The following PRKCB variants were observed in gnomAD, a reference collection of about 807,000 sequenced individuals.
The protein encoded by PRKCB is protein kinase C beta type.
A neutral mutation model predicts 81.5 loss-of-function variants in PRKCB; 13 were observed. That is an observed-to-expected ratio of 0.16 (90% CI 0.10 to 0.25). The LOEUF (loss-of-function observed/expected upper bound fraction) is 0.25, where lower values mean the gene tolerates loss of function less well. Among genes scored for constraint, PRKCB ranks in the 10% least tolerant of loss-of-function variants. The probability of loss-of-function intolerance (pLI) is 1.00; values close to 1 mark genes in which losing one functional copy is unlikely to be tolerated. For missense variants in PRKCB, 509 were observed against 875.7 expected (o/e 0.58, Z 5.29); for synonymous variants, 335 against 321.4 (o/e 1.04, Z -0.45).
chr16:24,199,962 G>C (rs1967933651), intron 16 of PRKCB, among the ~76,000 whole-genome samples: 2 of 152,190 alleles, frequency 1.3e-5, no homozygotes, highest in Non-Finnish European at 2.9e-5. Flanking sequence ...AATGGTGTCT[G>C]TTACATAATA....
At chr16:23,902,702 G>A (rs1449716169) in intron 2 of PRKCB, among the ~76,000 whole-genome samples, 1 of 124,798 alleles carries the variant, frequency 8.0e-6, no homozygotes, top group Non-Finnish European at 1.7e-5. Context: ...CAGGAACTGA[G>A]CTCAAAAGTT....
rs563957061 is a variant in PRKCB, at chr16:24,005,389, C to G, written c.288+16799C>G. Among the ~76,000 whole-genome samples the G allele has an allele frequency of 2.0e-5, 3 of 152,296 alleles. No homozygotes were observed. In the East Asian group the frequency reaches 5.8e-4, roughly 29 times the overall value. ...TGCCAGACTTGTTACCTGCAGAGCT[C>G]TGAAGGTCACTTTGGGATGTTCTGT... On this transcript the variant is annotated intron_variant, in intron 3 of 16. Transcript: ENST00000643927.
At chr16:24,184,539 AATATGT>A (rs1222820320) in intron 13 of PRKCB, among the ~76,000 whole-genome samples, 1 of 152,336 alleles carries the variant, frequency 6.6e-6, no homozygotes, top group East Asian at 1.9e-4. Flanking sequence ...CACAGAGTTT[AATATGT>A]ATTCAGAGAA....
At chr16:24,079,895 C>A (rs558072569) in intron 5 of PRKCB, among the ~76,000 whole-genome samples, 10 of 152,198 alleles carry the variant, frequency 6.6e-5, no homozygotes, top group Admixed American at 4.6e-4. Context: ...GAAAAGCATT[C>A]ATTTATTTCT....
chr16:24,207,807 G>A (rs1968070163), intron 16 of PRKCB, among the ~76,000 whole-genome samples: 2 of 152,234 alleles, frequency 1.3e-5, no homozygotes, highest in South Asian at 2.1e-4. Flanking sequence ...AGGATGCACA[G>A]GAGATAGCTG....
At chr16:24,176,700 C>G (rs1244219787) in intron 12 of PRKCB, among the ~76,000 whole-genome samples, 1 of 152,070 alleles carries the variant, frequency 6.6e-6, no homozygotes, top group African/African-American at 2.4e-5. Context: ...GGTGACCAGC[C>G]TGGCTAACAT....
intron 9 of PRKCB, among the ~76,000 whole-genome samples, chr16:24,133,202 A>G (rs73548480): frequency 0.038 from 5,735 of 152,170 alleles, 367 homozygotes; most frequent in African/African-American, 0.13. Flanking sequence ...CCCCATCTCT[A>G]TAAAAGCAAA....
intron 2 of PRKCB, among the ~76,000 whole-genome samples, chr16:23,847,033 A>G (rs1413374065): frequency 6.6e-6 from 1 of 152,018 alleles, no homozygotes; most frequent in Non-Finnish European, 1.5e-5. Context: ...CAGACCAGAG[A>G]GCTCTGATCC....
intron 2 of PRKCB, among the ~76,000 whole-genome samples, chr16:23,931,214 G>T (rs1257822672): frequency 1.3e-5 from 2 of 152,188 alleles, no homozygotes; most frequent in African/African-American, 2.4e-5. Flanking sequence ...CCAAAGGGGA[G>T]TTTTCTTTAT....
chr16:23,916,157 G>A (rs200341104), intron 2 of PRKCB, among the ~76,000 whole-genome samples: 2 of 151,276 alleles, frequency 1.3e-5, no homozygotes, highest in African/African-American at 2.4e-5. Context: ...GGGCTCAAGC[G>A]ATTCTCCCAC....
At chr16:24,033,402 G>A (rs56793052) in intron 4 of PRKCB, among the ~76,000 whole-genome samples, 12,643 of 152,148 alleles carry the variant, frequency 0.083, 614 homozygotes, top group African/African-American at 0.099. Flanking sequence ...AATGTGGGGC[G>A]TGGAAGCTAC....
intron 5 of PRKCB, among the ~76,000 whole-genome samples, chr16:24,043,202 C>T (rs1567354627): frequency 6.6e-6 from 1 of 152,194 alleles, no homozygotes; most frequent in Admixed American, 6.5e-5. Flanking sequence ...CACTCATACT[C>T]ATGAGCTCTG....
intron 5 of PRKCB, among the ~76,000 whole-genome samples, chr16:24,045,713 C>T (rs1026538438): frequency 6.6e-6 from 1 of 152,200 alleles, no homozygotes; most frequent in Admixed American, 6.5e-5. Context: ...GTTAGCAATT[C>T]GGGATCTCAG....
At chr16:24,058,056 A>G (rs1176892088) in intron 5 of PRKCB, among the ~76,000 whole-genome samples, 2 of 152,094 alleles carry the variant, frequency 1.3e-5, no homozygotes, top group African/African-American at 4.8e-5. Context: ...TTTTCCCATG[A>G]TAGCCACATC....
At chr16:23,941,080 C>A (rs149823337) in intron 2 of PRKCB, among the ~76,000 whole-genome samples, 236 of 152,212 alleles carry the variant, frequency 1.6e-3, no homozygotes, top group African/African-American at 5.5e-3. Context: ...TAGGGGTTGG[C>A]AAATGTTTTC....
chr16:23,949,003 A>G (rs1283478455), intron 2 of PRKCB, among the ~76,000 whole-genome samples: 2 of 152,202 alleles, frequency 1.3e-5, no homozygotes, highest in Non-Finnish European at 2.9e-5. Flanking sequence ...TTTACTGACA[A>G]CGCATAATTT....
chr16:23,881,840 C>G (rs1005965803), intron 2 of PRKCB, among the ~76,000 whole-genome samples: 1 of 151,796 alleles, frequency 6.6e-6, no homozygotes, highest in African/African-American at 2.4e-5. Flanking sequence ...TTCCTCCCCA[C>G]CGAGCCTCTG....
intron 4 of PRKCB, 78 bp downstream of exon 4, chr16:24,032,325 C>T (rs1370445841): frequency 2.0e-6 from 2 of 991,100 alleles, no homozygotes; most frequent in African/African-American, 1.6e-5. Context: ...GGTTTGGGGT[C>T]CAGGTCTGCC....
Position 24,123,883 on chromosome 16 carries a change from A to G in PRKCB, c.967A>G (p.Asn323Asp), listed in dbSNP as rs1464644193. Residue 323 changes from asparagine to aspartate, a missense_variant, in exon 9 of 17, where the codon AAC (asparagine) becomes GAC (aspartate). Around this residue, in one of 6 missense-constraint regions of PRKCB, gnomAD observed 80 missense variants for 89.4 expected, o/e 0.90. Transcript: ENST00000643927. ...GTKVPEEKTT[N>D]TVSKFDNNGN... ...CAAGGTCCCGGAAGAAAAGACGACC[A>G]ACACTGTCTCCAAATTTGACAACAA... 1.2e-6 allele frequency: 2 copies of G among 1,614,208 alleles called. No homozygotes were observed. Among genetic ancestry groups the G allele is most frequent in the Non-Finnish European group, 1.7e-6 (2 of 1,180,028 alleles).
Sources: gnomAD v4.1 joint callset for allele counts (sites outside exome capture counted in the v4.1 genomes callset) on GRCh38, gnomAD v4.1.1 for gene constraint, gnomAD v4.1.1 regional missense constraint, MANE v1.5 for transcripts, NCBI Gene and HGNC (gene_info 2026-07-23, HGNC 2026-07-21) for gene names.